Variants in TTLL8 observed in about 807,000 individuals in gnomAD.
The protein encoded by TTLL8 is tubulin tyrosine ligase like 8, also known as protein monoglycylase TTLL8.
TTLL8 carries 65 observed loss-of-function variants against 77.8 expected under a neutral mutation model. The observed-to-expected ratio is 0.84, with a 90% CI of 0.68 to 1.03. TTLL8 has a LOEUF of 1.03. Among genes scored for constraint, TTLL8 ranks in the 50% least tolerant of loss-of-function variants. TTLL8 has a pLI of 0.00. For synonymous variants in TTLL8, 402 were observed against 422.8 expected, an observed-to-expected ratio of 0.95 and a Z score of 0.60; for missense variants, 910 against 1,004.5, an observed-to-expected ratio of 0.91 and a Z score of 1.27.
intron 6 of TTLL8, among the ~76,000 whole-genome samples, chr22:50,042,163 G>A (rs2061375595): frequency 6.6e-6 from 1 of 152,178 alleles, no homozygotes. Flanking sequence ...TCATTAAAAT[G>A]AAAAACTTCT....
rs1037111505 is a variant in TTLL8 at position 50,046,644 on chromosome 22, C to T, written c.393+524G>A. ...CCGCCCCACACTGTGCTGAGGCAGCCGCACCTGGCCTGCTGAGAGGGACCT... is the reference window on the plus strand; with the variant it reads ...CCGCCCCACACTGTGCTGAGGCAGCTGCACCTGGCCTGCTGAGAGGGACCT... On this transcript the variant is annotated intron_variant, in intron 4 of 13. Transcript: ENST00000266182. Among the ~76,000 whole-genome samples the T allele has an allele frequency of 1.1e-4, 17 of 152,342 alleles. No homozygotes were observed. In the East Asian group the frequency reaches 1.2e-3, roughly 10 times the overall value.
intron 12 of TTLL8, among the ~76,000 whole-genome samples, chr22:50,021,811 A>G (rs368360197): frequency 0.024 from 1,699 of 70,258 alleles, 49 homozygotes; most frequent in Middle Eastern, 0.052. Flanking sequence ...TCCATCTGAC[A>G]TGCACTCCTC....
At chr22:50,021,953 G>T (rs569457213) in intron 12 of TTLL8, among the ~76,000 whole-genome samples, 7 of 130,040 alleles carry the variant, frequency 5.4e-5, no homozygotes, top group African/African-American at 2.0e-4. Context: ...TCCATCTGAC[G>T]TGCACTCCTC....
At chr22:50,046,056 CAGACTTGCCT>C in intron 4 of TTLL8, 86 bp from the exon 7 acceptor site, 1 of 1,223,312 alleles carries the variant, frequency 8.2e-7, no homozygotes, top group Non-Finnish European at 1.1e-6. Context: ...CCGTCCACCT[CAGACTTGCCT>C]GGCTATGGGG....
intron 12 of TTLL8, among the ~76,000 whole-genome samples, chr22:50,019,858 A>T (rs1341922396): frequency 6.6e-6 from 1 of 152,230 alleles, no homozygotes; most frequent in East Asian, 1.9e-4. Context: ...ATTAAACGTA[A>T]ATGTTACATG....
At chr22:50,045,190 G>C (rs1325512678) in intron 6 of TTLL8, 65 bp downstream of exon 8, 1 of 1,296,252 alleles carries the variant, frequency 7.7e-7, no homozygotes, top group Non-Finnish European at 1.0e-6. Flanking sequence ...CCAGGAGGCG[G>C]GAGGGCCCCT....
chr22:50,048,138 GTGT>G (rs1237121739), intron 3 of TTLL8, among the ~76,000 whole-genome samples: 1 of 151,652 alleles, frequency 6.6e-6, no homozygotes, highest in Non-Finnish European at 1.5e-5. Flanking sequence ...GTGTGTGTGT[GTGT>G]GTGTAAATAA....
At chr22:50,032,585 G>A (rs1262881863) in intron 10 of TTLL8, among the ~76,000 whole-genome samples, 4 of 152,208 alleles carry the variant, frequency 2.6e-5, no homozygotes, top group African/African-American at 9.7e-5. Context: ...CAAGGTCTGT[G>A]TCGCGTGACT....
At chr22:50,019,359 T>C (rs560862898) in intron 12 of TTLL8, among the ~76,000 whole-genome samples, 70 of 152,300 alleles carry the variant, frequency 4.6e-4, no homozygotes, top group African/African-American at 1.7e-3. Flanking sequence ...GTCATCAGGC[T>C]CCAAGGCAGC....
At chr22:50,056,714 G>A (rs1229369834), upstream of TTLL8, 1 of 980,770 alleles carries the variant, frequency 1.0e-6, no homozygotes, top group African/African-American at 1.8e-5. The surrounding 1 kb of genome is among the most constrained non-coding windows in gnomAD (Gnocchi z 4.1). Flanking sequence ...TCCTCCGCCT[G>A]GACCGTCCAA....
At chr22:50,048,563 C>T (rs571919141) in intron 3 of TTLL8, among the ~76,000 whole-genome samples, 4 of 152,170 alleles carry the variant, frequency 2.6e-5, no homozygotes, top group Non-Finnish European at 5.9e-5. Context: ...CCACTGCCCA[C>T]GGACCTGTGG....
At position 50,027,898 on chromosome 22, in the gene TTLL8, G is replaced by A. The variant is rs1336440715; in HGVS notation, c.2203+2532C>T. Among the ~76,000 whole-genome samples, 12 of 152,362 alleles carry A rather than the reference G, an allele frequency of 7.9e-5. No individual in the cohort carries two copies. The South Asian group carries it at 2.5e-3, about 32-fold the overall frequency. ...TGACCGCGAAACGCTCGTACGCACG[G>A]GTTGGAGTTGTTTGCCACGCGTGGC... On this transcript the variant is annotated intron_variant, in intron 12 of 13. Coordinates refer to ENST00000266182, the Ensembl canonical transcript of TTLL8.
Position 50,029,718 on chromosome 22 carries a change from A to G in TTLL8, c.2203+712T>C, listed in dbSNP as rs1229157902. ...GGCACTTCAGCCTCAGCAACAGAGC[A>G]AGACTCTGTCTCAAAAAAACAAAAA... On this transcript the variant is annotated intron_variant, in intron 12 of 13. Coordinates refer to ENST00000266182, the Ensembl canonical transcript of TTLL8. Among the ~76,000 whole-genome samples, 9 of 152,006 alleles carry G rather than the reference A, an allele frequency of 5.9e-5. No individual in the cohort carries two copies. In the South Asian group the frequency reaches 1.0e-3, roughly 17 times the overall value.
chr22:50,047,268 T>C, exon 4 of TTLL8: 2 of 1,367,558 alleles, frequency 1.5e-6, no homozygotes, highest in Non-Finnish European at 2.0e-6. Context: ...CCAGAGGAGG[T>C]ACGGCATCTC....
chr22:50,029,366 CCACACA>C (rs2061265793), intron 12 of TTLL8, among the ~76,000 whole-genome samples: 1 of 130,610 alleles, frequency 7.7e-6, no homozygotes, highest in African/African-American at 2.8e-5. Flanking sequence ...CTAAAGACCC[CCACACA>C]CCCTCGTAAA....
rs1199774017 is a variant in TTLL8, at chr22:50,034,133, C to G, written c.1039+212G>C. Among the ~76,000 whole-genome samples, 2 of 152,230 alleles carry G rather than the reference C, an allele frequency of 1.3e-5. No individual in the cohort carries two copies. Among genetic ancestry groups the G allele is most frequent in the African/African-American group, 2.4e-5 (1 of 41,452 alleles). On this transcript the variant is annotated intron_variant, in intron 9 of 13. Coordinates refer to ENST00000266182, the Ensembl canonical transcript of TTLL8. This position sits in a 1 kb window ranked among gnomAD's most constrained non-coding sequence, Gnocchi z 4.1. Reference sequence around the variant, plus strand: ...GGAAATCCTGATTAACCCATCAACCCGGATCCTGCCCTGTGATCGGAACAC... The same window carrying G: ...GGAAATCCTGATTAACCCATCAACCGGGATCCTGCCCTGTGATCGGAACAC...
chr22:50,035,018 C>A (rs2061326154), intron 8 of TTLL8, among the ~76,000 whole-genome samples: 1 of 152,164 alleles, frequency 6.6e-6, no homozygotes, highest in Non-Finnish European at 1.5e-5. Flanking sequence ...GGGCTAGACT[C>A]AGGAAATCAT....
chr22:50,040,984 G>T (rs1308005047), intron 8 of TTLL8, among the ~76,000 whole-genome samples: 3 of 152,174 alleles, frequency 2.0e-5, no homozygotes, highest in African/African-American at 4.8e-5. Flanking sequence ...AAATGGTGAT[G>T]ATGAGAGTCA....
At chr22:50,032,620 C>T (rs1232464789) in intron 10 of TTLL8, among the ~76,000 whole-genome samples, 3 of 152,194 alleles carry the variant, frequency 2.0e-5, no homozygotes, top group South Asian at 2.1e-4. Flanking sequence ...GATTCTCACT[C>T]GTAAAAAGCA....
Sources: gnomAD v4.1 joint callset for allele counts (sites outside exome capture counted in the v4.1 genomes callset) on GRCh38, gnomAD v4.1.1 for gene constraint, Gnocchi (gnomAD v3.1) non-coding constraint, MANE v1.5 for transcripts, NCBI Gene and HGNC (gene_info 2026-07-23, HGNC 2026-07-21) for gene names.